The following SND1 variants were observed in gnomAD, a reference collection of about 807,000 sequenced individuals.
SND1 encodes staphylococcal nuclease domain-containing protein 1.
A neutral mutation model predicts 121.7 loss-of-function variants in SND1; 38 were observed. That is an observed-to-expected ratio of 0.31 (90% CI 0.24 to 0.41). The LOEUF (loss-of-function observed/expected upper bound fraction) is 0.41, where lower values mean the gene tolerates loss of function less well. Ranked by LOEUF, SND1 falls within the 10% of genes least tolerant of loss-of-function variation. The pLI is 1.00. For missense variants in SND1, 868 were observed against 1,184.6 expected (o/e 0.73, Z 3.92); for synonymous variants, 401 against 447.4 (o/e 0.90, Z 1.31).
At chr7:127,895,796 G>A (rs1289328679) in intron 13 of SND1, among the ~76,000 whole-genome samples, 1 of 152,048 alleles carries the variant, frequency 6.6e-6, no homozygotes, top group Non-Finnish European at 1.5e-5. Context: ...GCCACTTCTG[G>A]AGAGCTGTAT....
intron 15 of SND1, among the ~76,000 whole-genome samples, chr7:127,969,747 A>AC (rs1308584453): frequency 2.0e-5 from 3 of 152,156 alleles, no homozygotes; most frequent in Non-Finnish European, 4.4e-5. Flanking sequence ...ACAAAACAAA[A>AC]AAAACTCCAG....
chr7:128,076,663 G>A (rs929773148), intron 17 of SND1, among the ~76,000 whole-genome samples: 4 of 152,206 alleles, frequency 2.6e-5, no homozygotes, highest in African/African-American at 9.6e-5. Flanking sequence ...TGCCTTACCT[G>A]TCAAGAGACA....
chr7:127,871,756 C>T lies in SND1; in HGVS notation c.1344-16146C>T, dbSNP rs1296913232. Among the ~76,000 whole-genome samples the T allele has an allele frequency of 5.9e-5, 9 of 152,276 alleles. No individual in the cohort carries two copies. The East Asian group carries it at 1.5e-3, about 26-fold the overall frequency. ...GGCCTCAAACATTATCATCAAGTGT[C>T]ATTATAAAGATATGGATAGAAGTGT... On this transcript the variant is annotated intron_variant, in intron 12 of 23. Coordinates refer to ENST00000354725, the MANE Select transcript of SND1 (RefSeq NM_014390.4).
chr7:128,022,204 C>CAAA (rs58371490), intron 16 of SND1, among the ~76,000 whole-genome samples: 211 of 73,028 alleles, frequency 2.9e-3, no homozygotes, highest in Middle Eastern at 7.8e-3. Flanking sequence ...GACTCTCTCT[C>CAAA]AAAAAAAAAA....
intron 16 of SND1, among the ~76,000 whole-genome samples, chr7:127,996,153 A>AAG (rs1802651943): frequency 6.6e-6 from 1 of 151,884 alleles, no homozygotes; most frequent in Non-Finnish European, 1.5e-5. Flanking sequence ...AAAAAAAAAA[A>AAG]AGGTACAGAA....
chr7:128,028,648 T>C, intron 16 of SND1: 1 of 1,584,854 alleles, frequency 6.3e-7, no homozygotes, highest in Non-Finnish European at 8.6e-7. Context: ...TGCATTCTAT[T>C]GCATTTTATA....
At chr7:127,970,920 G>A (rs1222948765) in intron 15 of SND1, among the ~76,000 whole-genome samples, 1 of 151,774 alleles carries the variant, frequency 6.6e-6, no homozygotes, top group Non-Finnish European at 1.5e-5. Flanking sequence ...GACCAGCCTG[G>A]GCAACAAAGC....
intron 15 of SND1, among the ~76,000 whole-genome samples, chr7:127,951,413 G>C (rs926611715): frequency 6.6e-6 from 1 of 152,146 alleles, no homozygotes; most frequent in African/African-American, 2.4e-5. Context: ...TGGTTGCCAG[G>C]GTCTGGGAGC....
chr7:127,663,900 G>A (rs1396761460), intron 1 of SND1, among the ~76,000 whole-genome samples: 2 of 152,182 alleles, frequency 1.3e-5, no homozygotes, highest in African/African-American at 4.8e-5. Flanking sequence ...TTTCCTATTT[G>A]CTGGCTCATA....
At chr7:127,704,806 C>G in intron 7 of SND1, 33 bp from the exon 8 acceptor site, 4 of 1,530,056 alleles carry the variant, frequency 2.6e-6, no homozygotes, top group Non-Finnish European at 3.6e-6. Context: ...AGAGTCTAAT[C>G]CGTGCCTGCC....
chr7:128,028,936 T>C, intron 16 of SND1: 2 of 1,610,476 alleles, frequency 1.2e-6, no homozygotes, highest in Non-Finnish European at 1.7e-6. Context: ...TCCACCTGGA[T>C]TATCTCAACA....
At chr7:128,025,807 C>G (rs192066825) in intron 16 of SND1, among the ~76,000 whole-genome samples, 6 of 152,242 alleles carry the variant, frequency 3.9e-5, no homozygotes, top group Non-Finnish European at 7.4e-5. Context: ...CTTAGTCTCC[C>G]CCAACTCCTT....
In SND1 at chr7:127,811,560, C is replaced by T. The variant is rs547771418; in HGVS notation, c.1242+3987C>T. Among the ~76,000 whole-genome samples, 7 of 152,224 alleles carry T rather than the reference C, an allele frequency of 4.6e-5. No homozygotes were observed. The South Asian group carries it at 1.4e-3, about 32-fold the overall frequency. On this transcript the variant is annotated intron_variant, in intron 11 of 23. Transcript: ENST00000354725. ...ATGATTCCTCCTTTCCAGTGCACGG[C>T]GCCTACCTTGCTTATATCTCGTCTA...
Position 127,844,410 on chromosome 7 carries a change from C to A in SND1, c.1329C>A (p.Val443=). 6.2e-7 allele frequency: 1 copy of A among 1,613,096 alleles called. No individual in the cohort carries two copies. Among genetic ancestry groups the A allele is most frequent in the South Asian group, 1.1e-5 (1 of 90,886 alleles). Residue 443 remains valine (V), a synonymous_variant, in exon 12 of 24, where the codon GTC becomes GTA. Transcript: ENST00000354725. Reference sequence around the variant, plus strand: ...TTTCAGAGCGTACCTGTGCCACTGTCACCATTGGAGGAATGTGAGTGTTCT... The same window carrying A: ...TTTCAGAGCGTACCTGTGCCACTGTAACCATTGGAGGAATGTGAGTGTTCT... The part of the protein sequence containing the change: ...PAFSERTCAT[V]TIGGINIAEA...
chr7:127,750,216 C>T (rs745930022), intron 10 of SND1, among the ~76,000 whole-genome samples: 14 of 152,270 alleles, frequency 9.2e-5, no homozygotes, highest in East Asian at 1.9e-4. Flanking sequence ...CATCCAGTAA[C>T]GGGTTACACA....
chr7:127,936,237 T>G (rs1232764534), intron 15 of SND1, among the ~76,000 whole-genome samples: 1 of 151,888 alleles, frequency 6.6e-6, no homozygotes, highest in South Asian at 2.1e-4. Flanking sequence ...TGCTGTGGCC[T>G]CCTCCTAAGC....
At chr7:127,914,602 G>C (rs1298655611) in intron 14 of SND1, among the ~76,000 whole-genome samples, 1 of 152,156 alleles carries the variant, frequency 6.6e-6, no homozygotes, top group Non-Finnish European at 1.5e-5. Flanking sequence ...TTTACATTCA[G>C]TTTGCCAAGT....
At chr7:128,027,007 G>C (rs1171408362) in intron 16 of SND1, 1 of 151,634 alleles carries the variant, frequency 6.6e-6, no homozygotes, top group African/African-American at 2.4e-5. Flanking sequence ...AAATAGAAAT[G>C]ATTGGCTCAT....
At chr7:127,893,104 G>A (rs1045962799) in intron 13 of SND1, among the ~76,000 whole-genome samples, 7 of 152,066 alleles carry the variant, frequency 4.6e-5, no homozygotes, top group African/African-American at 1.7e-4. Flanking sequence ...GTATTTCCAA[G>A]ATAGTGAGTC....
Sources: gnomAD v4.1 joint callset for allele counts (sites outside exome capture counted in the v4.1 genomes callset) on GRCh38, gnomAD v4.1.1 for gene constraint, MANE v1.5 for transcripts, NCBI Gene and HGNC (gene_info 2026-07-23, HGNC 2026-07-21) for gene names.